The following TFPI variants were observed in gnomAD, a reference collection of about 807,000 sequenced individuals.
The protein encoded by TFPI is tissue factor pathway inhibitor.
In TFPI, 15 loss-of-function variants were observed where a neutral mutation model predicts 34.6. The ratio of observed to expected loss-of-function variants is 0.43; its 90% CI spans 0.29 to 0.67. TFPI has a LOEUF of 0.67. Among genes scored for constraint, TFPI ranks in the 30% least tolerant of loss-of-function variants. TFPI has a pLI of 0.15. For missense variants in TFPI, 301 were observed against 364.0 expected, an observed-to-expected ratio of 0.83 and a Z score of 1.41; for synonymous variants, 105 against 120.1, an observed-to-expected ratio of 0.87 and a Z score of 0.82.
Position 187,466,985 on chromosome 2 carries a change from T to G in TFPI, c.866A>C (p.Lys289Thr). 1 of 1,590,992 alleles carries G rather than the reference T, an allele frequency of 6.3e-7. No homozygotes were observed. The highest frequency in any genetic ancestry group is 8.6e-7 in the Non-Finnish European group (1 of 1,166,658). ...GLIKTKRKRK[K>T]QRVKIAYEEI... is the part of the protein sequence containing the mutation. The stretch of plus-strand genomic sequence containing the variant: ...TTCATATGCTATTTTCACTCTCTGC[T>G]TCTTTCTTTTTCTTTTGGTTTTAAT... The change falls in exon 8 of 8, where the codon AAG becomes ACG. Residue 289 changes from lysine (K) to threonine (T), a missense_variant. Lys to Thr is a moderately conservative substitution (Grantham distance 78). Coordinates refer to ENST00000233156, the MANE Select transcript of TFPI (RefSeq NM_006287.6).
chr2:187,508,078 C>T (rs547642729), intron 1 of TFPI, among the ~76,000 whole-genome samples: 49 of 152,310 alleles, frequency 3.2e-4, no homozygotes, highest in African/African-American at 1.1e-3. Flanking sequence ...ATCCTTTCCC[C>T]ATTGCTTATA....
intron 3 of TFPI, among the ~76,000 whole-genome samples, chr2:187,490,305 T>A (rs1685032464): frequency 6.6e-6 from 1 of 151,710 alleles, no homozygotes; most frequent in African/African-American, 2.4e-5. Flanking sequence ...TGTTGTTTAC[T>A]TTTTCTGTCA....
intron 1 of TFPI, among the ~76,000 whole-genome samples, chr2:187,523,957 C>T (rs1307674182): frequency 6.6e-6 from 1 of 152,092 alleles, no homozygotes; most frequent in African/African-American, 2.4e-5. Flanking sequence ...TGGCTTCTGT[C>T]TCTATGTATT....
At chr2:187,518,076 G>C (rs1269513221) in intron 1 of TFPI, 1 of 152,106 alleles carries the variant, frequency 6.6e-6, no homozygotes, top group African/African-American at 2.4e-5. Context: ...CATACCAATG[G>C]GTCTTGACTC....
chr2:187,530,492 T>C (rs1038666417), intron 1 of TFPI, among the ~76,000 whole-genome samples: 3 of 152,222 alleles, frequency 2.0e-5, no homozygotes, highest in African/African-American at 7.2e-5. Context: ...ATCCTACCCA[T>C]ATTGTCAACA....
At chr2:187,542,285 T>G (rs961778676) in intron 1 of TFPI, among the ~76,000 whole-genome samples, 1 of 152,060 alleles carries the variant, frequency 6.6e-6, no homozygotes, top group Non-Finnish European at 1.5e-5. Context: ...ATAGGTTTTC[T>G]TGGTGGGGGA....
chr2:187,467,019 C>T lies in TFPI; in HGVS notation c.832G>A (p.Gly278Arg). 2 of 1,583,236 alleles carry T rather than the reference C, an allele frequency of 1.3e-6. No individual in the cohort carries two copies. Among genetic ancestry groups the T allele is most frequent in the Non-Finnish European group, 1.7e-6 (2 of 1,161,568 alleles). The change falls in exon 8 of 8, where the codon GGA (glycine) becomes AGA (arginine). Residue 278 changes from glycine (G) to arginine (R), a missense_variant. Gly to Arg is a moderately radical substitution (Grantham distance 125, BLOSUM62 -2). Transcript: ENST00000233156. ...KKGFIQRISKGGLIKTKRKRK... is the reference protein window; with the variant it reads ...KKGFIQRISKRGLIKTKRKRK... ...TTTCTTTTGGTTTTAATTAGGCCTCCTTTTGATATTCTTTGGATGAAACCT... is the reference window on the plus strand; with the variant it reads ...TTTCTTTTGGTTTTAATTAGGCCTCTTTTTGATATTCTTTGGATGAAACCT...
chr2:187,493,042 G>C (rs775866320), intron 3 of TFPI, among the ~76,000 whole-genome samples: 4 of 152,136 alleles, frequency 2.6e-5, no homozygotes, highest in Non-Finnish European at 5.9e-5. Flanking sequence ...CCCCAGTAGG[G>C]AATCTGTGTC....
intron 1 of TFPI, among the ~76,000 whole-genome samples, chr2:187,543,378 C>T (rs1421911679): frequency 1.3e-5 from 2 of 152,016 alleles, no homozygotes; most frequent in Non-Finnish European, 2.9e-5. Context: ...GGGAATAATC[C>T]ACATGATACG....
At chr2:187,506,794 A>G (rs1686248160) in intron 1 of TFPI, among the ~76,000 whole-genome samples, 1 of 152,138 alleles carries the variant, frequency 6.6e-6, no homozygotes, top group Non-Finnish European at 1.5e-5. Flanking sequence ...AAGGATACAT[A>G]CTACCAACAT....
At chr2:187,510,411 CT>C (rs1418053446) in intron 1 of TFPI, among the ~76,000 whole-genome samples, 8 of 152,154 alleles carry the variant, frequency 5.3e-5, no homozygotes, top group Admixed American at 5.2e-4. Flanking sequence ...GTAAAAGCCC[CT>C]TGTGTTAAAA....
At chr2:187,532,283 G>T (rs1687999950) in intron 1 of TFPI, among the ~76,000 whole-genome samples, 1 of 152,200 alleles carries the variant, frequency 6.6e-6, no homozygotes, top group Admixed American at 6.5e-5. Flanking sequence ...CTTTTGAGTT[G>T]CAGGCAAGAT....
rs1693428764 is a variant in TFPI at position 187,488,200 on chromosome 2, A to C, written c.358+137T>G. The C allele has an allele frequency of 3.9e-5, 23 of 582,916 alleles. No homozygotes were observed. The South Asian group carries it at 6.3e-4, about 16-fold the overall frequency. 36.1% of individuals were successfully genotyped at this position (582,916 alleles called of 1,614,324 possible). A position where few individuals can be genotyped will look rare whatever the true frequency, so the allele number is the denominator to read the frequency against. The stretch of plus-strand genomic sequence containing the variant: ...TCTCTTTTATGGATTTTTTTAAATC[A>C]ATCTCAGAGAAACTTAAGAATTGAA... On this transcript the variant is annotated intron_variant, in intron 4 of 7. Transcript: ENST00000233156.
intron 1 of TFPI, chr2:187,517,059 T>A (rs980163744): frequency 9.2e-5 from 14 of 152,224 alleles, no homozygotes; most frequent in Admixed American, 6.5e-4. Flanking sequence ...AGGAGTTTTG[T>A]CTGTGGCTCG....
chr2:187,479,655 T>C (rs2105990182), intron 6 of TFPI, among the ~76,000 whole-genome samples: 1 of 146,530 alleles, frequency 6.8e-6, no homozygotes, highest in South Asian at 2.2e-4. Context: ...AAAACGACAA[T>C]TCCATTTTTA....
At chr2:187,539,247 C>G (rs1688441740) in intron 1 of TFPI, among the ~76,000 whole-genome samples, 1 of 151,962 alleles carries the variant, frequency 6.6e-6, no homozygotes, top group Admixed American at 6.6e-5. Flanking sequence ...AAGTAAGGAC[C>G]AGTGATAATA....
At chr2:187,499,262 A>G (rs1015254732) in intron 2 of TFPI, among the ~76,000 whole-genome samples, 7 of 151,954 alleles carry the variant, frequency 4.6e-5, no homozygotes, top group Admixed American at 1.3e-4. Flanking sequence ...AAAATTTTCC[A>G]TTTTTCTTAA....
intron 1 of TFPI, chr2:187,520,533 A>G (rs1156579198): frequency 6.6e-6 from 1 of 152,152 alleles, no homozygotes; most frequent in African/African-American, 2.4e-5. Context: ...AAATGCAGAA[A>G]TCACCCACCT....
intron 1 of TFPI, among the ~76,000 whole-genome samples, chr2:187,534,789 C>T (rs1279120251): frequency 6.6e-6 from 1 of 151,350 alleles, no homozygotes; most frequent in Non-Finnish European, 1.5e-5. Context: ...TAGATAGAGT[C>T]AAAACCCATT....
Sources: gnomAD v4.1 joint callset for allele counts (sites outside exome capture counted in the v4.1 genomes callset) on GRCh38, gnomAD v4.1.1 for gene constraint, MANE v1.5 for transcripts, NCBI Gene and HGNC (gene_info 2026-07-23, HGNC 2026-07-21) for gene names.